The following PSEN1 variants were observed in gnomAD, a reference collection of about 807,000 sequenced individuals.
PSEN1 encodes the protein presenilin 1.
PSEN1 carries 15 observed loss-of-function variants against 53.5 expected under a neutral mutation model. The observed-to-expected ratio is 0.28, with a 90% CI of 0.19 to 0.43. The LOEUF is 0.43. Among genes scored for constraint, PSEN1 ranks in the 20% least tolerant of loss-of-function variants. The pLI, the probability that PSEN1 is intolerant of heterozygous loss-of-function variation, is 1.00. For missense variants in PSEN1, 387 were observed against 571.2 expected (o/e 0.68, Z 3.29); for synonymous variants, 208 against 209.8 (o/e 0.99, Z 0.08).
chr14:73,215,329 A>T (rs909881806), intron 10 of PSEN1, among the ~76,000 whole-genome samples: 4 of 150,376 alleles, frequency 2.7e-5, no homozygotes, highest in African/African-American at 4.9e-5. Context: ...CACACCTGTA[A>T]TCCCAGCACT....
chr14:73,214,655 A>G (rs976937691), intron 10 of PSEN1, among the ~76,000 whole-genome samples: 6 of 152,232 alleles, frequency 3.9e-5, no homozygotes, highest in African/African-American at 1.4e-4. Context: ...ACATGTTACA[A>G]CATGAATAAA....
At chr14:73,150,388 T>C (rs1566618572) in intron 3 of PSEN1, among the ~76,000 whole-genome samples, 1 of 152,236 alleles carries the variant, frequency 6.6e-6, no homozygotes. Context: ...GTATTTACCA[T>C]GTTTAATAAA....
chr14:73,193,680 A>G (rs1224184084), intron 7 of PSEN1, among the ~76,000 whole-genome samples: 7 of 151,642 alleles, frequency 4.6e-5, no homozygotes, highest in South Asian at 4.2e-4. Context: ...TTTTTGAGAC[A>G]AAGTCTTGCT....
intron 3 of PSEN1, among the ~76,000 whole-genome samples, chr14:73,162,529 C>T (rs558328183): frequency 2.8e-4 from 42 of 151,634 alleles, no homozygotes; most frequent in Middle Eastern, 3.4e-3. Flanking sequence ...AGAGAGAGCA[C>T]GTATCTGCAG....
At position 73,186,882 on chromosome 14, in the gene PSEN1, T is replaced by C. The variant is rs200814320; in HGVS notation, c.510T>C (p.Ser170=). 6.2e-7 allele frequency: 1 copy of C among 1,613,858 alleles called. No homozygotes were observed. Among genetic ancestry groups the C allele is most frequent in the Non-Finnish European group, 8.5e-7 (1 of 1,179,750 alleles). ...TCCATGCCTGGCTTATTATATCATC[T>C]CTATTGTTGCTGTTCTTTTTTTCAT... ...KVIHAWLIIS[S]LLLLFFFSFI... Residue 170 remains serine (S), a synonymous_variant, in exon 6 of 12, where the codon TCT becomes TCC. Coordinates refer to ENST00000324501, the MANE Select transcript of PSEN1 (RefSeq NM_000021.4).
intron 3 of PSEN1, among the ~76,000 whole-genome samples, chr14:73,155,036 T>C (rs549817184): frequency 6.6e-6 from 1 of 152,376 alleles, no homozygotes; most frequent in African/African-American, 2.4e-5. Context: ...TAACCTAATC[T>C]GATCTCACCT....
chr14:73,203,990 G>A lies in PSEN1; in HGVS notation c.869-2396G>A, dbSNP rs1006045490. Among the ~76,000 whole-genome samples the A allele has an allele frequency of 2.6e-5, 4 of 152,076 alleles. No homozygotes were observed. In the South Asian group the frequency reaches 6.2e-4, roughly 24 times the overall value. On this transcript the variant is annotated intron_variant, in intron 8 of 11. Transcript: ENST00000324501. Reference sequence around the variant, plus strand: ...ACTACATTAAAAAACATATTTTTTTGTATTTATTTTTTATTTTATTTTTTT... The same window carrying A: ...ACTACATTAAAAAACATATTTTTTTATATTTATTTTTTATTTTATTTTTTT...
At chr14:73,184,304 AC>A (rs1459072191) in intron 5 of PSEN1, among the ~76,000 whole-genome samples, 1 of 62,772 alleles carries the variant, frequency 1.6e-5, no homozygotes, top group African/African-American at 7.3e-5. Flanking sequence ...CGGGGGGCTG[AC>A]CCCCCCACCT....
At chr14:73,215,204 G>GC (rs1199551534) in intron 10 of PSEN1, among the ~76,000 whole-genome samples, 3 of 151,688 alleles carry the variant, frequency 2.0e-5, no homozygotes, top group African/African-American at 4.8e-5. Context: ...CAAGTGATCT[G>GC]CCCACCTCAG....
intron 10 of PSEN1, among the ~76,000 whole-genome samples, chr14:73,216,785 T>C (rs1196951359): frequency 3.9e-5 from 6 of 151,978 alleles, no homozygotes; most frequent in African/African-American, 2.4e-5. Context: ...TTAATTAATA[T>C]GATAAAATGA....
intron 9 of PSEN1, among the ~76,000 whole-genome samples, chr14:73,211,196 A>G (rs950559100): frequency 5.9e-5 from 9 of 152,170 alleles, no homozygotes; most frequent in African/African-American, 2.2e-4. Context: ...AGGGTTGGTT[A>G]ATTTGGTGGC....
At position 73,217,194 on chromosome 14, in the gene PSEN1, G is replaced by T. The variant is rs772731175; in HGVS notation, c.1198G>T (p.Ala400Ser). ...TCTGGTTGGTAAAGCCTCAGCAACA[G>T]CCAGTGGAGACTGGAACACAACCAT... is the stretch of plus-strand genomic sequence containing the variant. ...SVLVGKASATASGDWNTTIAC... is the reference protein window; with the variant it reads ...SVLVGKASATSSGDWNTTIAC... The change falls in exon 11 of 12, where the codon GCC (alanine) becomes TCC (serine). Residue 400 changes from alanine (A) to serine (S), a missense_variant. By Grantham distance (99) the Ala-to-Ser change is moderately conservative. Around this residue, in one of 4 missense-constraint regions of PSEN1, gnomAD observed 44 missense variants for 106.3 expected, o/e 0.41. Transcript: ENST00000324501. The T allele has an allele frequency of 6.2e-6, 10 of 1,613,470 alleles. No individual in the cohort carries two copies. The highest frequency in any genetic ancestry group is 8.5e-6 in the Non-Finnish European group (10 of 1,179,462).
At chr14:73,214,389 T>G (rs10146467) in intron 10 of PSEN1, among the ~76,000 whole-genome samples, 16,824 of 151,898 alleles carry the variant, frequency 0.11, 1,064 homozygotes, top group African/African-American at 0.18. Context: ...AATTAGCCCA[T>G]TGTGGTGGCA....
At chr14:73,185,947 A>G (rs1268649261) in intron 5 of PSEN1, among the ~76,000 whole-genome samples, 4 of 152,262 alleles carry the variant, frequency 2.6e-5, no homozygotes, top group African/African-American at 9.6e-5. Flanking sequence ...TATGAATGGT[A>G]GACTCTAGGT....
Position 73,194,725 on chromosome 14 carries a change from C to T in PSEN1, c.769+1861C>T, listed in dbSNP as rs749479033. ...CTGGGACTACAGGCATCTGCCACCA[C>T]GCCCGGCTATTTTTTTGTATTTGTA... On this transcript the variant is annotated intron_variant, in intron 7 of 11. Transcript: ENST00000324501. 1.2e-3 allele frequency among the ~76,000 whole-genome samples: 182 copies of T among 152,140 alleles called. 1 individual carries two copies. The highest frequency in any genetic ancestry group is 3.7e-3 in the Admixed American group (57 of 15,288).
intron 3 of PSEN1, among the ~76,000 whole-genome samples, chr14:73,162,441 TCGCG>T (rs1211303902): frequency 1.5e-5 from 2 of 137,726 alleles, no homozygotes; most frequent in Non-Finnish European, 1.6e-5. Context: ...TCTCGCTCGC[TCGCG>T]CGCTCTCTCT....
chr14:73,196,016 A>G (rs1898925948), intron 7 of PSEN1, among the ~76,000 whole-genome samples: 2 of 152,184 alleles, frequency 1.3e-5, no homozygotes, highest in Non-Finnish European at 2.9e-5. Context: ...TCTGCACATC[A>G]TACAAATGAG....
chr14:73,217,192 C>T lies in PSEN1; in HGVS notation c.1196C>T (p.Thr399Ile). The T allele has an allele frequency of 1.2e-6, 2 of 1,613,686 alleles. No individual in the cohort carries two copies. The highest frequency in any genetic ancestry group is 1.1e-5 in the South Asian group (1 of 91,076). ...YSVLVGKASA[T>I]ASGDWNTTIA... ...GTTCTGGTTGGTAAAGCCTCAGCAA[C>T]AGCCAGTGGAGACTGGAACACAACC... Residue 399 changes from threonine (T) to isoleucine (I), a missense_variant, in exon 11 of 12, where the codon ACA (threonine) becomes ATA (isoleucine). By Grantham distance (89) the Thr-to-Ile change is moderately conservative (BLOSUM62 -1). Transcript: ENST00000324501.
At chr14:73,212,035 C>T (rs1403425284) in intron 10 of PSEN1, 93 bp downstream of exon 10, 5 of 878,680 alleles carry the variant, frequency 5.7e-6, no homozygotes, top group Middle Eastern at 3.4e-4. Flanking sequence ...GAGAGTGTTA[C>T]AGTCTAATTC....
Sources: gnomAD v4.1 joint callset for allele counts (sites outside exome capture counted in the v4.1 genomes callset) on GRCh38, gnomAD v4.1.1 for gene constraint, gnomAD v4.1.1 regional missense constraint, MANE v1.5 for transcripts, NCBI Gene and HGNC (gene_info 2026-07-23, HGNC 2026-07-21) for gene names.